UBE3C: variants seen among roughly 807,000 people sequenced by gnomAD.
UBE3C encodes ubiquitin protein ligase E3C, also known as ubiquitin-protein ligase E3C.
In UBE3C, 42 loss-of-function variants were observed where a neutral mutation model predicts 129.4. That is an observed-to-expected ratio of 0.32 (90% CI 0.25 to 0.42). UBE3C has a LOEUF of 0.42. UBE3C is among the 10% of genes least tolerant of loss of function. UBE3C has a pLI of 1.00. For missense variants in UBE3C, 1,049 were observed against 1,319.1 expected, an observed-to-expected ratio of 0.80 and a Z score of 3.17; for synonymous variants, 510 against 492.4, an observed-to-expected ratio of 1.04 and a Z score of -0.47.
At chr7:157,175,606 C>T (rs1808496289) in intron 5 of UBE3C, among the ~76,000 whole-genome samples, 2 of 152,126 alleles carry the variant, frequency 1.3e-5, no homozygotes, top group South Asian at 4.1e-4. Context: ...TTCAAATGAT[C>T]CTGAGCCTTC....
chr7:157,207,936 G>T lies in UBE3C; in HGVS notation c.1809+1G>T, dbSNP rs1479036194. 2 of 1,549,790 alleles carry T rather than the reference G, an allele frequency of 1.3e-6. No individual in the cohort carries two copies. The highest frequency in any genetic ancestry group is 1.7e-6 in the Non-Finnish European group (2 of 1,153,080). On this transcript the variant is annotated splice_donor_variant, in intron 13 of 22. Coordinates refer to ENST00000348165, the MANE Select transcript of UBE3C (RefSeq NM_014671.3). LOFTEE classifies it high-confidence loss of function. Reference sequence around the variant, plus strand: ...GAAAAGATGGATTCAGTTATTTAAGGTATAGAGTATATGTATTTTTTTGTT... The same window carrying T: ...GAAAAGATGGATTCAGTTATTTAAGTTATAGAGTATATGTATTTTTTTGTT...
At chr7:157,144,561 A>G (rs1807551253) in intron 1 of UBE3C, among the ~76,000 whole-genome samples, 1 of 152,128 alleles carries the variant, frequency 6.6e-6, no homozygotes, top group Non-Finnish European at 1.5e-5. Context: ...AGACTTAAAG[A>G]AGCTAGGGAT....
At chr7:157,267,119 A>C (rs1797098623) in intron 22 of UBE3C, among the ~76,000 whole-genome samples, 1 of 152,110 alleles carries the variant, frequency 6.6e-6, no homozygotes, top group South Asian at 2.1e-4. Flanking sequence ...CCATCAATGT[A>C]ATTTTTTAAA....
chr7:157,263,825 A>G (rs929275792), intron 22 of UBE3C, among the ~76,000 whole-genome samples: 1 of 151,394 alleles, frequency 6.6e-6, no homozygotes, highest in Admixed American at 6.6e-5. Flanking sequence ...GTGATCAAGT[A>G]TAAGAAACCT....
chr7:157,265,543 A>G (rs1022273865), intron 22 of UBE3C, among the ~76,000 whole-genome samples: 1 of 152,168 alleles, frequency 6.6e-6, no homozygotes, highest in Non-Finnish European at 1.5e-5. Flanking sequence ...TCATTGCATC[A>G]TTTTTTGTAA....
chr7:157,267,485 C>A, intron 22 of UBE3C, 100 bp from the exon 23 acceptor site: 1 of 1,398,582 alleles, frequency 7.2e-7, no homozygotes, highest in Middle Eastern at 1.8e-4. Context: ...GCAATGGTAA[C>A]TTTACTGATT....
chr7:157,176,720 AGCCC>A (rs986246281), intron 5 of UBE3C, among the ~76,000 whole-genome samples: 7 of 152,332 alleles, frequency 4.6e-5, no homozygotes, highest in African/African-American at 1.7e-4. Flanking sequence ...CCCTGTAAGC[AGCCC>A]GTTTTTCTTG....
intron 10 of UBE3C, chr7:157,192,348 G>T: frequency 1.6e-6 from 1 of 614,852 alleles, no homozygotes; most frequent in Non-Finnish European, 3.0e-6. Flanking sequence ...TCCGCCATCT[G>T]CGGTGGAGCC....
chr7:157,220,908 G>A (rs960674096), intron 15 of UBE3C, 132 bp downstream of exon 15: 1 of 1,107,716 alleles, frequency 9.0e-7, no homozygotes, highest in Non-Finnish European at 1.3e-6. Context: ...CTACCATGTA[G>A]AAAAGTTTCA....
intron 1 of UBE3C, among the ~76,000 whole-genome samples, chr7:157,144,593 T>C (rs1459466696): frequency 6.6e-6 from 1 of 152,174 alleles, no homozygotes; most frequent in African/African-American, 2.4e-5. Context: ...TAGAAAAGTT[T>C]GTAGACCGGA....
chr7:157,255,662 A>G (rs1796733543), intron 21 of UBE3C, among the ~76,000 whole-genome samples: 1 of 152,186 alleles, frequency 6.6e-6, no homozygotes, highest in South Asian at 2.1e-4. Flanking sequence ...ATAGGTTTAA[A>G]ATATTATATT....
chr7:157,182,760 CG>C (rs1554426144), intron 8 of UBE3C, among the ~76,000 whole-genome samples: 2 of 148,646 alleles, frequency 1.3e-5, no homozygotes, highest in Non-Finnish European at 3.0e-5. Context: ...GGGTTGGGTG[CG>C]GGGGGGTATA....
intron 19 of UBE3C, among the ~76,000 whole-genome samples, chr7:157,249,548 G>A: frequency 6.6e-6 from 1 of 152,180 alleles, no homozygotes; most frequent in Non-Finnish European, 1.5e-5. Flanking sequence ...CCCGACCTCA[G>A]GTGATCTGCC....
chr7:157,263,528 A>G (rs1796979225), intron 22 of UBE3C, among the ~76,000 whole-genome samples: 1 of 152,054 alleles, frequency 6.6e-6, no homozygotes, highest in Middle Eastern at 3.2e-3. Flanking sequence ...GCTAGGTGTG[A>G]TGATGGGCAC....
At chr7:157,199,201 A>G (rs1456417065) in intron 10 of UBE3C, among the ~76,000 whole-genome samples, 2 of 152,230 alleles carry the variant, frequency 1.3e-5, no homozygotes, top group Non-Finnish European at 2.9e-5. Context: ...TCTCAACTGA[A>G]GAGAAAATAA....
chr7:157,227,786 C>A (rs1795920993), intron 17 of UBE3C, among the ~76,000 whole-genome samples: 1 of 152,136 alleles, frequency 6.6e-6, no homozygotes, highest in Admixed American at 6.5e-5. Flanking sequence ...CCTAATGAAT[C>A]CTTAAGCTTT....
At chr7:157,157,300 A>T (rs1807936725) in intron 1 of UBE3C, among the ~76,000 whole-genome samples, 1 of 152,252 alleles carries the variant, frequency 6.6e-6, no homozygotes, top group Admixed American at 6.5e-5. Context: ...ATTAAGAATT[A>T]AAACTTTGTA....
rs1156486247 is a variant in UBE3C, at chr7:157,182,030, T to G, written c.771-78T>G. On this transcript the variant is annotated intron_variant, in intron 7 of 22. Transcript: ENST00000348165. ...TAGATTATCCTTTTAGAAGGATATT[T>G]TGAAAGGTGATTTTAATCAGTGATT... 5.8e-6 allele frequency: 8 copies of G among 1,384,170 alleles called. No homozygotes were observed. The East Asian group carries it at 1.9e-4, about 32-fold the overall frequency. The allele number at this position is 1,384,170 out of a possible 1,614,324, so 85.7% of individuals were successfully genotyped here. A position where few individuals can be genotyped will look rare whatever the true frequency, so the allele number is the denominator to read the frequency against.
chr7:157,204,439 C>T (rs374262098), intron 11 of UBE3C, among the ~76,000 whole-genome samples: 2 of 149,788 alleles, frequency 1.3e-5, no homozygotes, highest in African/African-American at 4.9e-5. Flanking sequence ...TCTGTTCCTG[C>T]CCTAAGACTT....
Sources: allele counts gnomAD v4.1 joint callset (sites outside exome capture counted in the v4.1 genomes callset), GRCh38; gene constraint gnomAD v4.1.1; transcripts MANE v1.5; gene names NCBI Gene and HGNC (gene_info 2026-07-23, HGNC 2026-07-21).